PLCL1: variants seen among roughly 807,000 people sequenced by gnomAD.
The protein encoded by PLCL1 is phospholipase C like 1 (inactive), also known as inactive phospholipase C-like protein 1.
PLCL1 carries 41 observed loss-of-function variants against 84.4 expected under a neutral mutation model. That is an observed-to-expected ratio of 0.49 (90% CI 0.38 to 0.63). PLCL1 has a LOEUF of 0.63. Among genes scored for constraint, PLCL1 ranks in the 30% least tolerant of loss-of-function variants. The pLI is 0.00. For missense variants in PLCL1, 1,206 were observed against 1,367.8 expected, an observed-to-expected ratio of 0.88 and a Z score of 1.87; for synonymous variants, 490 against 488.3, an observed-to-expected ratio of 1.00 and a Z score of -0.05.
intron 1 of PLCL1, chr2:198,001,932 C>T: frequency 2.4e-6 from 1 of 417,262 alleles, no homozygotes; most frequent in South Asian, 1.8e-5. Flanking sequence ...TGATCTGTCA[C>T]TGTCTCCTAT....
chr2:198,007,747 AT>A (rs1690763920), intron 1 of PLCL1, among the ~76,000 whole-genome samples: 4 of 152,154 alleles, frequency 2.6e-5, no homozygotes, highest in Non-Finnish European at 4.4e-5. Flanking sequence ...ATTTGTTCAG[AT>A]TCCAGCTCTC....
At chr2:198,050,044 A>G (rs1691888571) in intron 1 of PLCL1, among the ~76,000 whole-genome samples, 1 of 152,198 alleles carries the variant, frequency 6.6e-6, no homozygotes, top group Non-Finnish European at 1.5e-5. Context: ...TTAGACAAGT[A>G]TGGGTCTCTG....
At chr2:197,897,165 CTTCTTCTTCTTCTTCTTCTT>C (rs1688157902) in intron 1 of PLCL1, among the ~76,000 whole-genome samples, 2 of 31,394 alleles carry the variant, frequency 6.4e-5, no homozygotes, top group Admixed American at 3.2e-4. Flanking sequence ...TCTTCTTCTT[CTTCTTCTTCTTCTTCTTCTT>C]CTTCTCCTTC....
chr2:197,894,038 G>A (rs1332765921), intron 1 of PLCL1, among the ~76,000 whole-genome samples: 1 of 151,844 alleles, frequency 6.6e-6, no homozygotes, highest in Non-Finnish European at 1.5e-5. Flanking sequence ...GTGGGGGGTA[G>A]TGCCAGCCTC....
chr2:197,872,556 T>C (rs1362315606), intron 1 of PLCL1, among the ~76,000 whole-genome samples: 1 of 152,110 alleles, frequency 6.6e-6, no homozygotes, highest in African/African-American at 2.4e-5. Flanking sequence ...ATTTACTAGA[T>C]TGTGATCATA....
chr2:198,106,350 T>C (rs148684168), intron 5 of PLCL1, among the ~76,000 whole-genome samples: 4 of 152,034 alleles, frequency 2.6e-5, no homozygotes, highest in African/African-American at 9.6e-5. Context: ...CTACTATGCA[T>C]TGGGCTCTGT....
intron 3 of PLCL1, among the ~76,000 whole-genome samples, chr2:198,097,683 C>T (rs1311489561): frequency 6.6e-6 from 1 of 152,174 alleles, no homozygotes; most frequent in Non-Finnish European, 1.5e-5. Context: ...TAGATTTTGT[C>T]ACCATTGTGA....
At chr2:198,005,761 A>C (rs1690714045) in intron 1 of PLCL1, among the ~76,000 whole-genome samples, 3 of 152,226 alleles carry the variant, frequency 2.0e-5, no homozygotes, top group Admixed American at 2.0e-4. Flanking sequence ...TGGAGAGGCA[A>C]GGCTGGTGAC....
At chr2:198,018,462 TC>T (rs1025232595) in intron 1 of PLCL1, among the ~76,000 whole-genome samples, 1 of 152,076 alleles carries the variant, frequency 6.6e-6, no homozygotes, top group Non-Finnish European at 1.5e-5. Context: ...ATGGAACCCA[TC>T]AAGCTGAGAT....
At chr2:197,915,490 C>G (rs1313194368) in intron 1 of PLCL1, among the ~76,000 whole-genome samples, 1 of 150,996 alleles carries the variant, frequency 6.6e-6, no homozygotes, top group East Asian at 1.9e-4. Flanking sequence ...TTTTTTTAAA[C>G]CAAACCTCAA....
intron 1 of PLCL1, among the ~76,000 whole-genome samples, chr2:198,004,546 T>G (rs947989703): frequency 6.6e-6 from 1 of 152,040 alleles, no homozygotes; most frequent in Non-Finnish European, 1.5e-5. Context: ...TGTATTTGGT[T>G]AAAAAAAACT....
chr2:198,109,831 A>G (rs1246569758), intron 5 of PLCL1, among the ~76,000 whole-genome samples: 5 of 151,846 alleles, frequency 3.3e-5, no homozygotes, highest in Admixed American at 1.3e-4. Flanking sequence ...CCTGTTGGCT[A>G]TTTTAAGAAA....
chr2:197,838,046 G>T (rs949765125), intron 1 of PLCL1, among the ~76,000 whole-genome samples: 2 of 152,052 alleles, frequency 1.3e-5, no homozygotes, highest in Non-Finnish European at 2.9e-5. Flanking sequence ...GGTGTATAAA[G>T]TTTCTTTCCT....
intron 1 of PLCL1, among the ~76,000 whole-genome samples, chr2:198,026,025 TAA>T (rs1022588409): frequency 6.6e-6 from 1 of 152,178 alleles, no homozygotes. Flanking sequence ...AGGCTGGCAT[TAA>T]AGAGTTTTGC....
intron 1 of PLCL1, among the ~76,000 whole-genome samples, chr2:197,990,552 G>A (rs868450657): frequency 6.6e-6 from 1 of 152,168 alleles, no homozygotes; most frequent in South Asian, 2.1e-4. Context: ...ATCTTACATG[G>A]CGGCAGGCAA....
intron 1 of PLCL1, among the ~76,000 whole-genome samples, chr2:198,021,036 A>T (rs1007258226): frequency 1.3e-5 from 2 of 152,254 alleles, no homozygotes; most frequent in African/African-American, 4.8e-5. Context: ...AATGGAAATC[A>T]TAACAAACAG....
In PLCL1 at chr2:197,948,664, A is replaced by C. The variant is rs956506274; in HGVS notation, c.241-135094A>C. On this transcript the variant is annotated intron_variant, in intron 1 of 5. Coordinates refer to ENST00000428675, the MANE Select transcript of PLCL1 (RefSeq NM_006226.4). Reference sequence around the variant, plus strand: ...CAGTGTATAGTTGTTGAATGAATGAATGCATGAACTCACTTTTATATATCA... The same window carrying C: ...CAGTGTATAGTTGTTGAATGAATGACTGCATGAACTCACTTTTATATATCA... Among the ~76,000 whole-genome samples, 3 of 152,206 alleles carry C rather than the reference A, an allele frequency of 2.0e-5. No homozygotes were observed. The East Asian group carries it at 5.8e-4, about 29-fold the overall frequency.
chr2:197,920,484 AATT>A (rs1688681284), intron 1 of PLCL1, among the ~76,000 whole-genome samples: 1 of 152,140 alleles, frequency 6.6e-6, no homozygotes, highest in Non-Finnish European at 1.5e-5. Flanking sequence ...ATTTTGAAAA[AATT>A]ATTAACCAAA....
chr2:198,012,818 G>A (rs1346251255), intron 1 of PLCL1, among the ~76,000 whole-genome samples: 2 of 151,638 alleles, frequency 1.3e-5, no homozygotes, highest in African/African-American at 4.8e-5. Context: ...CAAACTGAAA[G>A]AGGTTTAGTG....
Sources: allele counts gnomAD v4.1 joint callset (sites outside exome capture counted in the v4.1 genomes callset), GRCh38; gene constraint gnomAD v4.1.1; transcripts MANE v1.5; gene names NCBI Gene and HGNC (gene_info 2026-07-23, HGNC 2026-07-21).